Variants in CTIF observed in about 807,000 individuals in gnomAD.
CTIF encodes the protein CBP80/20-dependent translation initiation factor.
A neutral mutation model predicts 66.0 loss-of-function variants in CTIF; 21 were observed. That is an observed-to-expected ratio of 0.32 (90% CI 0.23 to 0.46). The LOEUF is 0.46. Among genes scored for constraint, CTIF ranks in the 20% least tolerant of loss-of-function variants. The probability of loss-of-function intolerance (pLI) is 1.00; values close to 1 mark genes in which losing one functional copy is unlikely to be tolerated. For synonymous variants in CTIF, 345 were observed against 326.4 expected (o/e 1.06, Z -0.62); for missense variants, 739 against 812.7 (o/e 0.91, Z 1.10).
At chr18:48,749,153 G>T (rs1907542447) in intron 7 of CTIF, among the ~76,000 whole-genome samples, 1 of 152,206 alleles carries the variant, frequency 6.6e-6, no homozygotes, top group African/African-American at 2.4e-5. Context: ...ATTAAAACAG[G>T]CAAGGAAAGA....
chr18:48,796,750 G>A (rs2067928674), intron 9 of CTIF, among the ~76,000 whole-genome samples: 1 of 152,194 alleles, frequency 6.6e-6, no homozygotes, highest in Admixed American at 6.5e-5. Flanking sequence ...GACTTAGAAT[G>A]CTCTTGCCTC....
chr18:48,545,467 T>C (rs2088723932), intron 1 of CTIF, among the ~76,000 whole-genome samples: 1 of 152,162 alleles, frequency 6.6e-6, no homozygotes, highest in Admixed American at 6.5e-5. Context: ...CCAAAGGTCA[T>C]ACATTAAAAT....
At chr18:48,549,454 C>G (rs2088832357) in intron 1 of CTIF, among the ~76,000 whole-genome samples, 1 of 152,174 alleles carries the variant, frequency 6.6e-6, no homozygotes, top group Admixed American at 6.5e-5. Context: ...AGCCAGAAGT[C>G]TAAAGGTAGG....
At chr18:48,757,677 A>G (rs141620697) in intron 7 of CTIF, among the ~76,000 whole-genome samples, 3 of 152,314 alleles carry the variant, frequency 2.0e-5, no homozygotes, top group Non-Finnish European at 4.4e-5. Context: ...CGAATAAAGT[A>G]CTGATTTTAA....
At chr18:48,805,147 T>C (rs1245362065) in intron 9 of CTIF, among the ~76,000 whole-genome samples, 2 of 152,114 alleles carry the variant, frequency 1.3e-5, no homozygotes, top group African/African-American at 2.4e-5. Context: ...TGTCTGTGGG[T>C]TCCATGCTGC....
chr18:48,826,909 T>C (rs947000620), intron 10 of CTIF: 1 of 150,716 alleles, frequency 6.6e-6, no homozygotes, highest in Admixed American at 6.6e-5. Flanking sequence ...TGTGGGGAAA[T>C]GGAATGGGGA....
chr18:48,679,612 C>T (rs759171521), intron 6 of CTIF, among the ~76,000 whole-genome samples: 3 of 152,216 alleles, frequency 2.0e-5, no homozygotes, highest in Non-Finnish European at 4.4e-5. Context: ...TCTGCTCACC[C>T]ATTTCTCTTT....
At chr18:48,689,850 G>T (rs2091900430) in intron 6 of CTIF, among the ~76,000 whole-genome samples, 1 of 152,166 alleles carries the variant, frequency 6.6e-6, no homozygotes, top group African/African-American at 2.4e-5. Flanking sequence ...TCCTGGGCAT[G>T]AGGCACTTGT....
intron 1 of CTIF, among the ~76,000 whole-genome samples, chr18:48,563,395 C>T (rs1489686789): frequency 6.6e-6 from 1 of 152,224 alleles, no homozygotes; most frequent in African/African-American, 2.4e-5. Flanking sequence ...TACTCAGTTT[C>T]CCTATGGGAC....
At chr18:48,754,518 C>G (rs188511322) in intron 7 of CTIF, among the ~76,000 whole-genome samples, 1 of 152,246 alleles carries the variant, frequency 6.6e-6, no homozygotes, top group Non-Finnish European at 1.5e-5. Flanking sequence ...GTCTTAGTGC[C>G]TCTTCCTCCA....
intron 9 of CTIF, among the ~76,000 whole-genome samples, chr18:48,776,472 C>T (rs190252834): frequency 1.8e-3 from 281 of 152,358 alleles, no homozygotes; most frequent in Non-Finnish European, 3.3e-3. Context: ...CACCTCACTC[C>T]CCTCTGCAGA....
At chr18:48,657,583 G>A (rs2091264987) in intron 3 of CTIF, among the ~76,000 whole-genome samples, 1 of 152,148 alleles carries the variant, frequency 6.6e-6, no homozygotes, top group African/African-American at 2.4e-5. Context: ...GTACAACAAT[G>A]ACGAGAGGAA....
At chr18:48,788,975 G>A (rs991708333) in intron 9 of CTIF, among the ~76,000 whole-genome samples, 3 of 152,154 alleles carry the variant, frequency 2.0e-5, no homozygotes, top group Admixed American at 6.5e-5. Context: ...TTAGGCCTGG[G>A]AGACCCTGGG....
chr18:48,824,796 A>G (rs1327154052), intron 10 of CTIF, among the ~76,000 whole-genome samples: 1 of 151,976 alleles, frequency 6.6e-6, no homozygotes, highest in Non-Finnish European at 1.5e-5. Flanking sequence ...GTCCGCCACC[A>G]CGCCCAGCTA....
intron 7 of CTIF, among the ~76,000 whole-genome samples, chr18:48,727,178 C>G (rs1456369656): frequency 2.6e-5 from 4 of 151,900 alleles, no homozygotes; most frequent in Non-Finnish European, 5.9e-5. Context: ...AGAGGGGAAA[C>G]AAGAAGCACA....
chr18:48,596,873 T>C (rs1010461225), intron 1 of CTIF, among the ~76,000 whole-genome samples: 4 of 152,224 alleles, frequency 2.6e-5, no homozygotes, highest in Admixed American at 2.6e-4. Context: ...TTTCTCTAGG[T>C]ACATTTTCTC....
chr18:48,620,540 G>A (rs2090474899), intron 2 of CTIF, among the ~76,000 whole-genome samples: 1 of 152,154 alleles, frequency 6.6e-6, no homozygotes, highest in African/African-American at 2.4e-5. Context: ...CAATGTCTGT[G>A]GGGCTGTGTT....
intron 9 of CTIF, among the ~76,000 whole-genome samples, chr18:48,788,157 G>A (rs1911887528): frequency 6.6e-6 from 1 of 152,208 alleles, no homozygotes; most frequent in African/African-American, 2.4e-5. Context: ...AGGCTGGGGG[G>A]AGAAGAAACC....
chr18:48,820,902 T>A (rs2068469901), intron 10 of CTIF, among the ~76,000 whole-genome samples: 1 of 152,198 alleles, frequency 6.6e-6, no homozygotes, highest in African/African-American at 2.4e-5. Context: ...GAGGCCCCCT[T>A]CATTCTGAGG....
Sources: gnomAD v4.1 joint callset for allele counts (sites outside exome capture counted in the v4.1 genomes callset) on GRCh38, gnomAD v4.1.1 for gene constraint, MANE v1.5 for transcripts, NCBI Gene and HGNC (gene_info 2026-07-23, HGNC 2026-07-21) for gene names.